Variants in SMARCB1 observed in about 807,000 individuals in gnomAD.
SMARCB1 encodes SWI/SNF-related matrix-associated actin-dependent regulator of chromatin subfamily B member 1.
A neutral mutation model predicts 49.0 loss-of-function variants in SMARCB1; 5 were observed. The ratio of observed to expected loss-of-function variants is 0.10; its 90% confidence interval spans 0.05 to 0.21. The LOEUF (loss-of-function observed/expected upper bound fraction) is 0.21, where lower values mean the gene tolerates loss of function less well. Among genes scored for constraint, SMARCB1 ranks in the 10% least tolerant of loss-of-function variants. SMARCB1 has a pLI of 1.00. For missense variants in SMARCB1, 226 were observed against 509.2 expected, an observed-to-expected ratio of 0.44 and a Z score of 5.35; for synonymous variants, 201 against 200.1, an observed-to-expected ratio of 1.00 and a Z score of -0.04.
intron 6 of SMARCB1, among the ~76,000 whole-genome samples, chr22:23,821,359 A>G (rs951224989): frequency 6.6e-6 from 1 of 152,124 alleles, no homozygotes; most frequent in East Asian, 1.9e-4. Flanking sequence ...TGAGGAATAG[A>G]AGGTCACACC....
chr22:23,836,563 T>C lies in SMARCB1; in HGVS notation c.*2383T>C, dbSNP rs2031064808. 1 of 1,103,142 alleles carries C rather than the reference T, an allele frequency of 9.1e-7. No homozygotes were observed. The highest frequency in any genetic ancestry group is 1.1e-6 in the Non-Finnish European group (1 of 907,194). The allele number at this position is 1,103,142 out of a possible 1,614,324, so 68.3% of individuals were successfully genotyped here. ...AGCTCAAAAGCTCTGCCTGGCAACC[T>C]GTGAGCTCAAAGCTCTGCCAGGCAA... On this transcript the variant is annotated 3_prime_UTR_variant, in exon 9 of 9. Transcript: ENST00000644036.
chr22:23,819,265 A>C (rs1326498239), intron 6 of SMARCB1, among the ~76,000 whole-genome samples: 1 of 152,212 alleles, frequency 6.6e-6, no homozygotes, highest in African/African-American at 2.4e-5. Context: ...GCTATTGTGA[A>C]TAATGCTGCT....
chr22:23,792,380 T>A (rs868232648), intron 2 of SMARCB1: 4 of 299,832 alleles, frequency 1.3e-5, no homozygotes, highest in Non-Finnish European at 2.6e-5. Context: ...CTGCTCCTGG[T>A]GGCCTGCGTG....
intron 6 of SMARCB1, among the ~76,000 whole-genome samples, chr22:23,822,240 G>A (rs541229365): frequency 1.3e-5 from 2 of 152,354 alleles, no homozygotes; most frequent in South Asian, 4.1e-4. Flanking sequence ...AGCAGGGGTT[G>A]GGGGGCAGGG....
At chr22:23,798,746 G>A (rs1928928916) in intron 3 of SMARCB1, among the ~76,000 whole-genome samples, 1 of 152,094 alleles carries the variant, frequency 6.6e-6, no homozygotes, top group African/African-American at 2.4e-5. Flanking sequence ...TCCCTCCTTA[G>A]AGGGAACTGT....
At chr22:23,822,201 C>T (rs1441796594) in intron 6 of SMARCB1, among the ~76,000 whole-genome samples, 2 of 152,240 alleles carry the variant, frequency 1.3e-5, no homozygotes, top group Non-Finnish European at 2.9e-5. Context: ...TGCCAGGGCA[C>T]CTGGCCCAAG....
In SMARCB1 at chr22:23,825,219, C is replaced by T; in HGVS notation, c.796-6C>T. On this transcript the variant is annotated splice_region_variant and splice_polypyrimidine_tract_variant and intron_variant, in intron 6 of 8. Coordinates refer to ENST00000644036, the MANE Select transcript of SMARCB1 (RefSeq NM_003073.5). ...TCTAACTTGTGTCCTTTGGTTGTTG[C>T]CTCAGCTGAACATCCATGTGGGAAA... The T allele has an allele frequency of 1.2e-6, 2 of 1,613,292 alleles. No homozygotes were observed. The highest frequency in any genetic ancestry group is 8.5e-7 in the Non-Finnish European group (1 of 1,179,170).
At chr22:23,833,496 A>G in intron 7 of SMARCB1, 76 bp from the exon 8 acceptor site, 1 of 1,598,612 alleles carries the variant, frequency 6.3e-7, no homozygotes, top group South Asian at 1.1e-5. Flanking sequence ...GGGCACAGAC[A>G]GGGGCCAAAG....
intron 1 of SMARCB1, among the ~76,000 whole-genome samples, chr22:23,787,998 C>G (rs1318137014): frequency 6.6e-6 from 1 of 152,218 alleles, no homozygotes; most frequent in Non-Finnish European, 1.5e-5. Context: ...GAAAACTCTA[C>G]TGGCCTTTGA....
In SMARCB1 at chr22:23,836,851, C is replaced by T. The variant is rs201545808; in HGVS notation, c.*2671C>T. The T allele has an allele frequency of 2.0e-4, 286 of 1,452,836 alleles. No individual in the cohort carries two copies. The African/African-American group carries it at 3.7e-3, about 19-fold the overall frequency. The allele number at this position is 1,452,836 out of a possible 1,614,324, so 90.0% of individuals were successfully genotyped here. The stretch of plus-strand genomic sequence containing the variant: ...TGGAAGCTGCCAGAAGCCTCTTAGG[C>T]CTGGCCCTGGGTGGGGGTCACTGCT... On this transcript the variant is annotated 3_prime_UTR_variant, in exon 9 of 9. Coordinates refer to ENST00000644036, the MANE Select transcript of SMARCB1 (RefSeq NM_003073.5).
rs112734547 is a variant in SMARCB1 at position 23,837,156 on chromosome 22, T to A, written c.*2976T>A. The stretch of plus-strand genomic sequence containing the variant: ...AGTAGATATGGCCCACCGCAATCCC[T>A]GTGAGACAGCCACGGACTGTGGGGT... On this transcript the variant is annotated 3_prime_UTR_variant, in exon 9 of 9. Transcript: ENST00000644036. 1 of 1,613,710 alleles carries A rather than the reference T, an allele frequency of 6.2e-7. No individual in the cohort carries two copies. Among genetic ancestry groups the A allele is most frequent in the South Asian group, 1.1e-5 (1 of 91,060 alleles).
intron 8 of SMARCB1, 70 bp from the exon 9 acceptor site, chr22:23,834,061 TGCCCTGTAGA>T (rs2030826199): frequency 1.4e-6 from 2 of 1,464,506 alleles, no homozygotes; most frequent in African/African-American, 1.4e-5. Context: ...TACACTTGGC[TGCCCTGTAGA>T]GCCTTGGGAA....
intron 6 of SMARCB1, chr22:23,818,104 G>GC (rs1356507903): frequency 1.3e-5 from 2 of 150,710 alleles, no homozygotes; most frequent in Non-Finnish European, 2.9e-5. Context: ...GGGATTACAG[G>GC]CATGAGCCAC....
chr22:23,805,827 C>G (rs1396706441), intron 5 of SMARCB1, among the ~76,000 whole-genome samples: 1 of 152,174 alleles, frequency 6.6e-6, no homozygotes, highest in Non-Finnish European at 1.5e-5. Flanking sequence ...AACATAGAAT[C>G]TAGCCCAGCA....
chr22:23,831,202 A>T (rs1044875211), intron 7 of SMARCB1, among the ~76,000 whole-genome samples: 7 of 152,164 alleles, frequency 4.6e-5, no homozygotes, highest in African/African-American at 1.4e-4. Context: ...GGCTGTGGAC[A>T]GGTCATTTTC....
chr22:23,791,200 A>T (rs1207131980), intron 1 of SMARCB1, among the ~76,000 whole-genome samples: 1 of 152,188 alleles, frequency 6.6e-6, no homozygotes, highest in South Asian at 2.1e-4. Flanking sequence ...AACTGAAGCC[A>T]TTGTTTGAGT....
In SMARCB1 at chr22:23,835,501, T is replaced by C. The variant is rs1260601148; in HGVS notation, c.*1321T>C. 3.0e-6 allele frequency: 3 copies of C among 985,486 alleles called. No individual in the cohort carries two copies. The African/African-American group carries it at 5.2e-5, about 17-fold the overall frequency. The allele number at this position is 985,486 out of a possible 1,614,324, so 61.0% of individuals were successfully genotyped here. A position where few individuals can be genotyped will look rare whatever the true frequency, so the allele number is the denominator to read the frequency against. On this transcript the variant is annotated 3_prime_UTR_variant, in exon 9 of 9. Transcript: ENST00000644036. ...GGATTGGGGTTCTTGGTCGCTGAGA[T>C]GTGAGAGGAGGGCTCCTTTGAGCAC...
chr22:23,818,191 T>G (rs2029891032), intron 6 of SMARCB1: 1 of 150,138 alleles, frequency 6.7e-6, no homozygotes, highest in African/African-American at 2.5e-5. Context: ...TCTCACTCTG[T>G]CGCCCAGGCT....
In SMARCB1 at chr22:23,792,108, T is replaced by C. The variant is rs34400497; in HGVS notation, c.232+214T>C. The C allele has an allele frequency of 5.5e-4, 338 of 610,022 alleles. 2 individuals are homozygous for C. Among genetic ancestry groups the C allele is most frequent in the African/African-American group, 5.3e-3 (293 of 54,768 alleles). The allele number at this position is 610,022 out of a possible 1,614,324, so 37.8% of individuals were successfully genotyped here. On this transcript the variant is annotated intron_variant, in intron 2 of 8. Coordinates refer to ENST00000644036, the MANE Select transcript of SMARCB1 (RefSeq NM_003073.5). ...CTGTCAGTTATTTCCAGCAGGGCCA[T>C]TGGGTATGTGAGCGGGCCGGGGCCA...
Sources: allele counts gnomAD v4.1 joint callset (sites outside exome capture counted in the v4.1 genomes callset), GRCh38; gene constraint gnomAD v4.1.1; transcripts MANE v1.5; gene names NCBI Gene and HGNC (gene_info 2026-07-23, HGNC 2026-07-21).